Variants in FASTKD5 observed in about 807,000 individuals in gnomAD.
The protein encoded by FASTKD5 is FAST kinase domains 5, also known as non-canonical pre-mRNAs endonuclease FASTKD5, mitochondrial.
A neutral mutation model predicts 44.0 loss-of-function variants in FASTKD5; 30 were observed. That is an observed-to-expected ratio of 0.68 (90% CI 0.51 to 0.93). The LOEUF is 0.93. FASTKD5 is among the 40% of genes least tolerant of loss of function. The probability of loss-of-function intolerance (pLI) is 0.00; values close to 1 mark genes in which losing one functional copy is unlikely to be tolerated. For missense variants in FASTKD5, 868 were observed against 908.2 expected (o/e 0.96, Z 0.57); for synonymous variants, 335 against 342.2 (o/e 0.98, Z 0.23).
Position 3,146,893 on chromosome 20 carries a change from A to G in FASTKD5, c.2178T>C (p.Ala726=). The G allele has an allele frequency of 6.2e-7, 1 of 1,614,214 alleles. No individual in the cohort carries two copies. The part of the protein sequence containing the change: ...GLHNMKRRQL[A]RLGYRVVELS... ...ACTCTACCACACGGTAGCCAAGCCG[A>G]GCCAGCTGCCGCCTCTTCATATTGT... is the stretch of plus-strand genomic sequence containing the variant. The change falls in exon 2 of 2, where the codon GCT becomes GCC. Residue 726 remains alanine, a synonymous_variant. Transcript: ENST00000380266.
At chr20:3,155,432 G>A (rs768375320) in intron 1 of FASTKD5, among the ~76,000 whole-genome samples, 6 of 152,110 alleles carry the variant, frequency 3.9e-5, no homozygotes, top group Non-Finnish European at 7.3e-5. Flanking sequence ...TCAGAAGGCC[G>A]AGGCAGGAGA....
intron 1 of FASTKD5, among the ~76,000 whole-genome samples, chr20:3,152,297 T>C (rs910038936): frequency 3.3e-5 from 5 of 150,430 alleles, no homozygotes; most frequent in Admixed American, 1.3e-4. Flanking sequence ...CTGGCCAACA[T>C]AGTGAAACTC....
At chr20:3,154,960 G>A (rs1041848753) in intron 1 of FASTKD5, among the ~76,000 whole-genome samples, 10 of 149,918 alleles carry the variant, frequency 6.7e-5, no homozygotes, top group Non-Finnish European at 1.3e-4. Context: ...GGCTGAGGCA[G>A]GAGGATCACT....
chr20:3,146,926 A>G lies in FASTKD5; in HGVS notation c.2145T>C (p.Leu715=), dbSNP rs1204660358. 11 of 1,614,196 alleles carry G rather than the reference A, an allele frequency of 6.8e-6. No individual in the cohort carries two copies. The highest frequency in any genetic ancestry group is 1.3e-5 in the African/African-American group (1 of 75,054). The change falls in exon 2 of 2, where the codon CTT becomes CTC. Residue 715 remains leucine, a synonymous_variant. Transcript: ENST00000380266. ...GCCGCCTCTTCATATTGTGCAGTCC[A>G]AGGAGATCCCTGGAGCCATAGCAAT... is the stretch of plus-strand genomic sequence containing the variant. ...NQYCYGSRDL[L]GLHNMKRRQL...
At chr20:3,158,753 CG>C (rs1287653882) in intron 1 of FASTKD5, among the ~76,000 whole-genome samples, 1 of 152,220 alleles carries the variant, frequency 6.6e-6, no homozygotes, top group Non-Finnish European at 1.5e-5. Context: ...GGATTACAGG[CG>C]TGAGCCACTG....
In FASTKD5 at chr20:3,159,840, C is replaced by A. The variant is rs974432312; in HGVS notation, c.-265G>T. ...GGCGGCGGCGACACAGATACTGGCT[C>A]CTCCGGCGACTCCGAGCCTCACAGC... On this transcript the variant is annotated 5_prime_UTR_variant, in exon 1 of 2. Transcript: ENST00000380266. 1 of 152,304 alleles carries A rather than the reference C, an allele frequency of 6.6e-6. No homozygotes were observed. Among genetic ancestry groups the A allele is most frequent in the East Asian group, 1.9e-4 (1 of 5,198 alleles). 9.4% of individuals were successfully genotyped at this position (152,304 alleles called of 1,614,324 possible).
chr20:3,147,931 T>A lies in FASTKD5; in HGVS notation c.1140A>T (p.Ile380=), dbSNP rs375080901. 5 of 1,614,106 alleles carry A rather than the reference T, an allele frequency of 3.1e-6. No homozygotes were observed. The African/African-American group carries it at 5.3e-5, about 17-fold the overall frequency. ...HINFMKQIGE[I]APQRIPSLGV... ...CCAGGGAAGGAATTCGCTGAGGAGC[T>A]ATCTCTCCAATCTGCTTCATGAAAT... Residue 380 remains isoleucine, a synonymous_variant, in exon 2 of 2, where the codon ATA becomes ATT. Transcript: ENST00000380266.
rs143277441 is a variant in FASTKD5, at chr20:3,148,782, T to C, written c.289A>G (p.Arg97Gly). Reference sequence around the variant, plus strand: ...TCCTCTTCATCAACTCCTGTGGCCCTGGGTGAGCCCAGCTGCAATGTACTG... The same window carrying C: ...TCCTCTTCATCAACTCCTGTGGCCCCGGGTGAGCCCAGCTGCAATGTACTG... ...KASTLQLGSPRATGVDEEDVE... is the reference protein window; with the variant it reads ...KASTLQLGSPGATGVDEEDVE... The change falls in exon 2 of 2, where the codon AGG becomes GGG. Residue 97 changes from arginine (R) to glycine (G), a missense_variant. Transcript: ENST00000380266. The C allele has an allele frequency of 5.8e-5, 94 of 1,614,116 alleles. 2 individuals are homozygous for C. The highest frequency in any genetic ancestry group is 3.1e-4 in the East Asian group (14 of 44,906).
chr20:3,148,921 G>A lies in FASTKD5; in HGVS notation c.150C>T (p.Cys50=). ...GQDPPEHISL[C]HSAKKVKNIC... is the part of the protein sequence containing the mutation. ...TGTTCTTAACTTTTTTGGCAGAATG[G>A]CAGAGGCTAATGTGTTCTGGAGGGT... is the stretch of plus-strand genomic sequence containing the variant. The change falls in exon 2 of 2, where the codon TGC becomes TGT. Residue 50 remains cysteine (C), a synonymous_variant. Transcript: ENST00000380266. 1 of 1,614,184 alleles carries A rather than the reference G, an allele frequency of 6.2e-7. No individual in the cohort carries two copies. Among genetic ancestry groups the A allele is most frequent in the Non-Finnish European group, 8.5e-7 (1 of 1,180,038 alleles).
At position 3,147,465 on chromosome 20, in the gene FASTKD5, G is replaced by C. The variant is rs747802573; in HGVS notation, c.1606C>G (p.His536Asp). ...AATTCAGACCCCTCTTGCTGAAGGTGAGTACTAAGACGATTGCCTCTGTAA... is the reference window on the plus strand; with the variant it reads ...AATTCAGACCCCTCTTGCTGAAGGTCAGTACTAAGACGATTGCCTCTGTAA... ...PDYRGNRLST[H>D]LQQEGSELLW... Residue 536 changes from histidine to aspartate, a missense_variant, in exon 2 of 2, where the codon CAC becomes GAC. Physicochemically the swap from His to Asp is moderately conservative, Grantham distance 81. Transcript: ENST00000380266. The C allele has an allele frequency of 1.9e-6, 3 of 1,614,162 alleles. No individual in the cohort carries two copies. The highest frequency in any genetic ancestry group is 2.5e-6 in the Non-Finnish European group (3 of 1,180,026).
intron 1 of FASTKD5, among the ~76,000 whole-genome samples, chr20:3,152,682 C>T (rs543700847): frequency 2.0e-5 from 3 of 152,122 alleles, no homozygotes; most frequent in Non-Finnish European, 2.9e-5. Context: ...CCAAGGTGGG[C>T]GGACCACTTG....
chr20:3,147,472 A>G lies in FASTKD5; in HGVS notation c.1599T>C (p.Leu533=). Residue 533 remains leucine (L), a synonymous_variant, in exon 2 of 2, where the codon CTT becomes CTC. Coordinates refer to ENST00000380266, the MANE Select transcript of FASTKD5 (RefSeq NM_021826.5). ...ACCCCTCTTGCTGAAGGTGAGTACT[A>G]AGACGATTGCCTCTGTAATCTGGAC... is the stretch of plus-strand genomic sequence containing the variant. ...IECPDYRGNR[L]STHLQQEGSE... is the part of the protein sequence containing the mutation. 6.2e-7 allele frequency: 1 copy of G among 1,614,190 alleles called. No homozygotes were observed. Among genetic ancestry groups the G allele is most frequent in the Non-Finnish European group, 8.5e-7 (1 of 1,180,030 alleles).
rs977656196 is a variant in FASTKD5 at position 3,146,621 on chromosome 20, AAC to A, written c.*153_*154del. 2 of 787,108 alleles carry A rather than the reference AAC, an allele frequency of 2.5e-6. No homozygotes were observed. The highest frequency in any genetic ancestry group is 5.0e-5 in the Admixed American group (2 of 39,676). 48.8% of individuals were successfully genotyped at this position (787,108 alleles called of 1,614,324 possible). On this transcript the variant is annotated 3_prime_UTR_variant, in exon 2 of 2. Transcript: ENST00000380266. ...ATCCAACTACATTACAATTCACAGT[AAC>A]ATACACTAGCTCTAACCTGCCTTGG...
In FASTKD5 at chr20:3,146,751, C is replaced by T; in HGVS notation, c.*25G>A. The T allele has an allele frequency of 6.2e-7, 1 of 1,600,170 alleles. No individual in the cohort carries two copies. The highest frequency in any genetic ancestry group is 8.5e-7 in the Non-Finnish European group (1 of 1,173,428). On this transcript the variant is annotated 3_prime_UTR_variant, in exon 2 of 2. Coordinates refer to ENST00000380266, the MANE Select transcript of FASTKD5 (RefSeq NM_021826.5). ...GGTACAGTATACACCTATAGCTTTG[C>T]CATAGAAATGCCCCTAAATGCCCTT... is the stretch of plus-strand genomic sequence containing the variant.
chr20:3,151,446 A>G (rs918389328), intron 1 of FASTKD5, among the ~76,000 whole-genome samples: 2 of 152,184 alleles, frequency 1.3e-5, no homozygotes, highest in Non-Finnish European at 2.9e-5. Flanking sequence ...TATTACATAA[A>G]AAGTCTGCTG....
In FASTKD5 at chr20:3,151,831, G is replaced by A. The variant is rs2066628193; in HGVS notation, c.-190-2571C>T. The A allele has an allele frequency of 5.3e-5, 8 of 152,036 alleles. No homozygotes were observed. In the South Asian group the frequency reaches 1.7e-3, roughly 32 times the overall value. 9.4% of individuals were successfully genotyped at this position (152,036 alleles called of 1,614,324 possible). On this transcript the variant is annotated intron_variant, in intron 1 of 1. Coordinates refer to ENST00000380266, the MANE Select transcript of FASTKD5 (RefSeq NM_021826.5). ...AAAAGAGACAGCAGGATGGCCAGGC[G>A]TGGTGGCTCATGCCTGTAATTCCAG...
Position 3,146,680 on chromosome 20 carries a change from A to ATCGCCAAACTTACATTC in FASTKD5, c.*79_*95dup. 7.0e-7 allele frequency: 1 copy of ATCGCCAAACTTACATTC among 1,430,170 alleles called. No individual in the cohort carries two copies. The highest frequency in any genetic ancestry group is 9.5e-7 in the Non-Finnish European group (1 of 1,053,994). The allele number at this position is 1,430,170 out of a possible 1,614,324, so 88.6% of individuals were successfully genotyped here. ...TTAAGTCTCCTCAACACACTATTTT[A>ATCGCCAAACTTACATTC]TCGCCAAACTTACATTCTGGCTTTT... On this transcript the variant is annotated 3_prime_UTR_variant, in exon 2 of 2. Transcript: ENST00000380266.
chr20:3,148,563 G>C lies in FASTKD5; in HGVS notation c.508C>G (p.Leu170Val). The C allele has an allele frequency of 6.2e-7, 1 of 1,614,132 alleles. No homozygotes were observed. Among genetic ancestry groups the C allele is most frequent in the Non-Finnish European group, 8.5e-7 (1 of 1,180,044 alleles). Residue 170 changes from leucine to valine, a missense_variant, in exon 2 of 2, where the codon CTG (leucine) becomes GTG (valine). By Grantham distance (32) the Leu-to-Val change is conservative. Transcript: ENST00000380266. ...AQVIVDYLCK[L>V]SSLPAEQHPV... is the part of the protein sequence containing the mutation. ...TGCTGCTCTGCAGGCAAAGAGCTCA[G>C]CTTACACAAATAATCAACAATGACT...
chr20:3,155,162 G>T (rs1460850294), intron 1 of FASTKD5, among the ~76,000 whole-genome samples: 1 of 152,142 alleles, frequency 6.6e-6, no homozygotes, highest in Admixed American at 6.6e-5. Flanking sequence ...GGGAAGCTGA[G>T]GTGGGCGGAT....
Sources: allele counts gnomAD v4.1 joint callset (sites outside exome capture counted in the v4.1 genomes callset), GRCh38; gene constraint gnomAD v4.1.1; transcripts MANE v1.5; gene names NCBI Gene and HGNC (gene_info 2026-07-23, HGNC 2026-07-21).